The following E2F5 variants were observed in gnomAD, a reference collection of about 807,000 sequenced individuals.
The protein encoded by E2F5 is transcription factor E2F5.
In E2F5, 23 loss-of-function variants were observed where a neutral mutation model predicts 39.1. The ratio of observed to expected loss-of-function variants is 0.59; its 90% CI spans 0.42 to 0.83. The LOEUF is 0.83. Ranked by LOEUF, E2F5 falls within the 40% of genes least tolerant of loss-of-function variation. The pLI, the probability that E2F5 is intolerant of heterozygous loss-of-function variation, is 0.00. For missense variants in E2F5, 365 were observed against 406.7 expected (o/e 0.90, Z 0.88); for synonymous variants, 145 against 157.8 (o/e 0.92, Z 0.61).
chr8:85,202,792 A>T (rs1241672082), intron 2 of E2F5, among the ~76,000 whole-genome samples: 1 of 152,142 alleles, frequency 6.6e-6, no homozygotes, highest in Non-Finnish European at 1.5e-5. Flanking sequence ...TGAGACTGCT[A>T]GGTGTGACTG....
At chr8:85,180,245 TC>T (rs1812172567) in intron 1 of E2F5, among the ~76,000 whole-genome samples, 1 of 151,214 alleles carries the variant, frequency 6.6e-6, no homozygotes, top group Non-Finnish European at 1.5e-5. Flanking sequence ...GGTCTCGAAC[TC>T]CCAACCTCAA....
chr8:85,203,085 G>A lies in E2F5; in HGVS notation c.345-9G>A, dbSNP rs958797162. 7 of 1,475,022 alleles carry A rather than the reference G, an allele frequency of 4.7e-6. No homozygotes were observed. Among genetic ancestry groups the A allele is most frequent in the Admixed American group, 2.4e-5 (1 of 41,694 alleles). 91.4% of individuals were successfully genotyped at this position (1,475,022 alleles called of 1,614,324 possible). ...ATACTGAGGATATTAATTCTCATAT[G>A]TTTTTAAGAGGTGTAGGTGCTGGCT... On this transcript the variant is annotated splice_polypyrimidine_tract_variant and intron_variant, in intron 2 of 7. Coordinates refer to ENST00000416274, the MANE Select transcript of E2F5 (RefSeq NM_001951.4).
At chr8:85,200,520 C>A (rs1432186178) in intron 1 of E2F5, among the ~76,000 whole-genome samples, 1 of 152,178 alleles carries the variant, frequency 6.6e-6, no homozygotes, top group East Asian at 1.9e-4. Context: ...ATCTTGTGGT[C>A]TGGTTCATAC....
intron 2 of E2F5, among the ~76,000 whole-genome samples, chr8:85,202,476 T>C (rs1812717348): frequency 6.6e-6 from 1 of 152,198 alleles, no homozygotes; most frequent in East Asian, 1.9e-4. Flanking sequence ...CAAATCTTAC[T>C]TTCTCCCTCA....
chr8:85,212,253 G>T, intron 7 of E2F5, 49 bp downstream of exon 7: 1 of 1,313,732 alleles, frequency 7.6e-7, no homozygotes. Flanking sequence ...ATGCTTCTGT[G>T]GAATTTATAA....
rs141232161 is a variant in E2F5 at position 85,202,615 on chromosome 8, C to T, written c.344+359C>T. 3.5e-4 allele frequency among the ~76,000 whole-genome samples: 54 copies of T among 152,302 alleles called. No homozygotes were observed. The South Asian group carries it at 6.0e-3, about 17-fold the overall frequency. On this transcript the variant is annotated intron_variant, in intron 2 of 7. Transcript: ENST00000416274. ...CTTTGTAAATAGTAATTAATTGAAACGCATGTTGTCATTAATTGTGGCCTG... is the reference window on the plus strand; with the variant it reads ...CTTTGTAAATAGTAATTAATTGAAATGCATGTTGTCATTAATTGTGGCCTG...
intron 1 of E2F5, among the ~76,000 whole-genome samples, chr8:85,195,999 T>A (rs537919744): frequency 1.3e-5 from 2 of 152,110 alleles, no homozygotes; most frequent in African/African-American, 4.8e-5. Flanking sequence ...TATACAAAGT[T>A]TATTAAAAAT....
intron 1 of E2F5, among the ~76,000 whole-genome samples, chr8:85,199,664 C>G (rs1812651858): frequency 6.6e-6 from 1 of 152,172 alleles, no homozygotes; most frequent in Non-Finnish European, 1.5e-5. Context: ...CAAGGTAAAT[C>G]TGTATACACA....
chr8:85,201,919 C>T (rs1193594045), intron 1 of E2F5: 8 of 524,870 alleles, frequency 1.5e-5, no homozygotes, highest in African/African-American at 1.2e-4. Context: ...TGTGTCATGA[C>T]CTTAATTTCT....
chr8:85,200,076 G>A (rs1052062934), intron 1 of E2F5, among the ~76,000 whole-genome samples: 6 of 151,990 alleles, frequency 3.9e-5, no homozygotes, highest in African/African-American at 9.7e-5. Flanking sequence ...GTGAAACCTC[G>A]TCTCTACTAA....
chr8:85,209,626 A>C (rs1812873826), intron 6 of E2F5, among the ~76,000 whole-genome samples: 1 of 152,214 alleles, frequency 6.6e-6, no homozygotes, highest in African/African-American at 2.4e-5. Context: ...GCCTGAATAT[A>C]ATTTTATACA....
At chr8:85,200,750 G>T (rs1442518327) in intron 1 of E2F5, among the ~76,000 whole-genome samples, 1 of 152,174 alleles carries the variant, frequency 6.6e-6, no homozygotes, top group African/African-American at 2.4e-5. Flanking sequence ...GAAGTCAAGA[G>T]TAAAAATTCT....
intron 1 of E2F5, among the ~76,000 whole-genome samples, chr8:85,194,557 CAG>C (rs1345803884): frequency 8.2e-6 from 1 of 122,460 alleles, no homozygotes; most frequent in Non-Finnish European, 1.6e-5. Flanking sequence ...TTTTTTGAGA[CAG>C]AGTCTCACTC....
intron 1 of E2F5, among the ~76,000 whole-genome samples, chr8:85,190,885 G>A (rs1812447224): frequency 6.6e-6 from 1 of 152,158 alleles, no homozygotes; most frequent in Non-Finnish European, 1.5e-5. Context: ...AGGAAGAAGA[G>A]AGTGAGAACC....
chr8:85,204,331 A>G (rs1343713156), intron 3 of E2F5, among the ~76,000 whole-genome samples: 1 of 152,010 alleles, frequency 6.6e-6, no homozygotes, highest in Non-Finnish European at 1.5e-5. Context: ...GGCTGAGGAG[A>G]GACTGCCCAT....
intron 6 of E2F5, 101 bp downstream of exon 6, chr8:85,209,510 C>T: frequency 7.2e-7 from 1 of 1,384,356 alleles, no homozygotes; most frequent in Non-Finnish European, 9.6e-7. Flanking sequence ...GTCCCAAGCA[C>T]TTTTGACATT....
intron 1 of E2F5, among the ~76,000 whole-genome samples, chr8:85,197,943 G>C (rs1298304569): frequency 6.6e-6 from 1 of 152,108 alleles, no homozygotes; most frequent in Non-Finnish European, 1.5e-5. Context: ...GTGCTGTCCA[G>C]CGTTCCTTCC....
In E2F5 at chr8:85,214,046, G is replaced by T; in HGVS notation, c.*184G>T. 1 of 595,894 alleles carries T rather than the reference G, an allele frequency of 1.7e-6. No homozygotes were observed. Among genetic ancestry groups the T allele is most frequent in the East Asian group, 3.0e-5 (1 of 33,062 alleles). 36.9% of individuals were successfully genotyped at this position (595,894 alleles called of 1,614,324 possible). A position where few individuals can be genotyped will look rare whatever the true frequency, so the allele number is the denominator to read the frequency against. ...ACCATAAAAACAAAGGGCTCTGATT[G>T]CTTTAGGGGATAAGTGATTTAATAT... On this transcript the variant is annotated 3_prime_UTR_variant, in exon 8 of 8. Transcript: ENST00000416274.
chr8:85,206,041 CT>C, intron 3 of E2F5, 135 bp from the exon 4 acceptor site: 4 of 763,342 alleles, frequency 5.2e-6, no homozygotes, highest in Non-Finnish European at 4.3e-6. Flanking sequence ...GACTAGACTT[CT>C]TTTTTTGTCT....
Sources: gnomAD v4.1 joint callset for allele counts (sites outside exome capture counted in the v4.1 genomes callset) on GRCh38, gnomAD v4.1.1 for gene constraint, MANE v1.5 for transcripts, NCBI Gene and HGNC (gene_info 2026-07-23, HGNC 2026-07-21) for gene names.